The following RABEP1 variants were observed in gnomAD, a reference collection of about 807,000 sequenced individuals.
RABEP1 encodes rab GTPase-binding effector protein 1.
In RABEP1, 51 loss-of-function variants were observed where a neutral mutation model predicts 123.4. The ratio of observed to expected loss-of-function variants is 0.41; its 90% CI spans 0.33 to 0.52. The LOEUF (loss-of-function observed/expected upper bound fraction) is 0.52. Ranked by LOEUF, RABEP1 falls within the 20% of genes least tolerant of loss-of-function variation. The pLI is 0.16. For missense variants in RABEP1, 888 were observed against 996.3 expected (o/e 0.89, Z 1.46); for synonymous variants, 347 against 355.2 (o/e 0.98, Z 0.26).
At chr17:5,311,661 A>G (rs761296929) in intron 2 of RABEP1, among the ~76,000 whole-genome samples, 1 of 134,880 alleles carries the variant, frequency 7.4e-6, no homozygotes, top group Non-Finnish European at 1.5e-5. Context: ...GTGCCACTGC[A>G]CTCCATCCAG....
chr17:5,355,586 G>A (rs926340494), intron 8 of RABEP1, among the ~76,000 whole-genome samples: 4 of 152,028 alleles, frequency 2.6e-5, no homozygotes, highest in Non-Finnish European at 5.9e-5. Context: ...ACTTCCCTGC[G>A]GCACCTCCTT....
intron 2 of RABEP1, among the ~76,000 whole-genome samples, chr17:5,322,894 G>A (rs1398465801): frequency 3.9e-5 from 6 of 152,284 alleles, no homozygotes; most frequent in Admixed American, 3.9e-4. Flanking sequence ...GGCCAACATG[G>A]TGAAACTCCG....
At chr17:5,311,720 A>AC (rs1491146141) in intron 2 of RABEP1, among the ~76,000 whole-genome samples, 8 of 139,212 alleles carry the variant, frequency 5.7e-5, no homozygotes, top group Middle Eastern at 3.5e-3. Context: ...AAAAAAAAAA[A>AC]CAGACTAAAA....
chr17:5,355,446 G>A (rs971931202), intron 8 of RABEP1, among the ~76,000 whole-genome samples: 1 of 152,150 alleles, frequency 6.6e-6, no homozygotes, highest in African/African-American at 2.4e-5. Flanking sequence ...CCCTAGCATG[G>A]CATACAAGGG....
At chr17:5,285,672 A>G (rs1340297821) in intron 1 of RABEP1, among the ~76,000 whole-genome samples, 1 of 152,242 alleles carries the variant, frequency 6.6e-6, no homozygotes, top group African/African-American at 2.4e-5. Context: ...TAGCAATGGT[A>G]CTATTGAATA....
rs1255173881 is a variant in RABEP1 at position 5,323,841 on chromosome 17, TATATATATATATCTAGGA to T, written c.164-8095_164-8078del. Among the ~76,000 whole-genome samples, 62 of 135,900 alleles carry T rather than the reference TATATATATATATCTAGGA, an allele frequency of 4.6e-4. 1 individual carries two copies. Among genetic ancestry groups the T allele is most frequent in the African/African-American group, 1.5e-3 (56 of 36,534 alleles). The allele number at this position is 135,900 out of a possible 152,430, so 89.2% of individuals were successfully genotyped here. A position where few individuals can be genotyped will look rare whatever the true frequency, so the allele number is the denominator to read the frequency against. ...AGGAATATATATATATATCTAGGAA[TATATATATATATCTAGGA>T]ATATATATATATATCTAGGAATCAA... On this transcript the variant is annotated intron_variant, in intron 2 of 17. Transcript: ENST00000537505.
chr17:5,342,437 AGACCAGCCT>A (rs971686190), intron 5 of RABEP1, among the ~76,000 whole-genome samples: 3 of 151,986 alleles, frequency 2.0e-5, no homozygotes, highest in African/African-American at 4.8e-5. Context: ...TAGGAGTTTG[AGACCAGCCT>A]GGCCAGCATG....
chr17:5,370,007 G>C (rs1278022446), intron 12 of RABEP1, among the ~76,000 whole-genome samples: 2 of 152,122 alleles, frequency 1.3e-5, no homozygotes, highest in Non-Finnish European at 2.9e-5. Flanking sequence ...CCTCCTTCTT[G>C]TCTCTTAAAA....
In RABEP1 at chr17:5,282,316, G is replaced by T. The variant is rs1036997570; in HGVS notation, c.-171G>T. 1.3e-5 allele frequency: 6 copies of T among 447,458 alleles called. No individual in the cohort carries two copies. Among genetic ancestry groups the T allele is most frequent in the African/African-American group, 2.0e-5 (1 of 49,200 alleles). 27.7% of individuals were successfully genotyped at this position (447,458 alleles called of 1,614,324 possible). Reference sequence around the variant, plus strand: ...TGAGGAGGCGGAGGTCGGCGGTCGGGTCCGTCTCTGCCCGCGGCTGTGGCG... The same window carrying T: ...TGAGGAGGCGGAGGTCGGCGGTCGGTTCCGTCTCTGCCCGCGGCTGTGGCG... On this transcript the variant is annotated 5_prime_UTR_variant, in exon 1 of 18. Transcript: ENST00000537505.
chr17:5,303,540 C>A (rs1042795017), intron 1 of RABEP1, among the ~76,000 whole-genome samples: 1 of 152,100 alleles, frequency 6.6e-6, no homozygotes, highest in Non-Finnish European at 1.5e-5. Flanking sequence ...CTGTGCCTGT[C>A]CAATAGTTTT....
At chr17:5,358,837 T>C (rs911108187) in intron 8 of RABEP1, among the ~76,000 whole-genome samples, 2 of 152,116 alleles carry the variant, frequency 1.3e-5, no homozygotes, top group Non-Finnish European at 2.9e-5. Context: ...CACAGCTCAC[T>C]ACAGCCCCGA....
At chr17:5,304,964 A>G (rs1459214343) in intron 1 of RABEP1, among the ~76,000 whole-genome samples, 2 of 152,180 alleles carry the variant, frequency 1.3e-5, no homozygotes, top group Non-Finnish European at 2.9e-5. Context: ...GACAGCTAAC[A>G]CTTATCAAGT....
chr17:5,375,445 A>C (rs963970687), intron 13 of RABEP1, among the ~76,000 whole-genome samples: 6 of 152,088 alleles, frequency 3.9e-5, no homozygotes, highest in Non-Finnish European at 8.8e-5. Flanking sequence ...CAATCCTAGC[A>C]CTTTGGGAGG....
At chr17:5,321,534 T>C (rs74784782) in intron 2 of RABEP1, among the ~76,000 whole-genome samples, 2,295 of 151,498 alleles carry the variant, frequency 0.015, 30 homozygotes, top group Non-Finnish European at 0.024. Context: ...TGTTTGAGCC[T>C]GAGAGGTTGA....
chr17:5,378,981 T>G (rs1911225447), intron 15 of RABEP1, among the ~76,000 whole-genome samples: 1 of 152,186 alleles, frequency 6.6e-6, no homozygotes, highest in Admixed American at 6.5e-5. Flanking sequence ...CTGCCCAACC[T>G]TGGACTAGTC....
chr17:5,297,801 C>G (rs1440644448), intron 1 of RABEP1, among the ~76,000 whole-genome samples: 1 of 152,164 alleles, frequency 6.6e-6, no homozygotes, highest in Non-Finnish European at 1.5e-5. Flanking sequence ...GATTCAAACC[C>G]TAGTTTAATT....
At chr17:5,290,086 G>GTA (rs2075018342) in intron 1 of RABEP1, among the ~76,000 whole-genome samples, 1 of 152,030 alleles carries the variant, frequency 6.6e-6, no homozygotes, top group Non-Finnish European at 1.5e-5. Context: ...TGTCTTTATA[G>GTA]AAGTATTTAT....
At chr17:5,342,610 A>G (rs983814141) in intron 5 of RABEP1, among the ~76,000 whole-genome samples, 1 of 152,238 alleles carries the variant, frequency 6.6e-6, no homozygotes, top group Non-Finnish European at 1.5e-5. Context: ...TGTCTCACAC[A>G]CACACAGCAT....
rs1911805965 is a variant in RABEP1 at position 5,384,769 on chromosome 17, TAA to T, written c.*1547_*1548del. The T allele has an allele frequency of 4.8e-6, 1 of 207,814 alleles. No homozygotes were observed. Among genetic ancestry groups the T allele is most frequent in the Non-Finnish European group, 9.6e-6 (1 of 103,782 alleles). The allele number at this position is 207,814 out of a possible 1,614,324, so 12.9% of individuals were successfully genotyped here. Reference sequence around the variant, plus strand: ...GCTTGCCGCACATGAAACATTATTTTAATTGGTTTAAAGTCCCTTTATAAAGA... The same window carrying T: ...GCTTGCCGCACATGAAACATTATTTTTTGGTTTAAAGTCCCTTTATAAAGA... On this transcript the variant is annotated 3_prime_UTR_variant, in exon 18 of 18. Coordinates refer to ENST00000537505, the MANE Select transcript of RABEP1 (RefSeq NM_004703.6).
Sources: gnomAD v4.1 joint callset for allele counts (sites outside exome capture counted in the v4.1 genomes callset) on GRCh38, gnomAD v4.1.1 for gene constraint, MANE v1.5 for transcripts, NCBI Gene and HGNC (gene_info 2026-07-23, HGNC 2026-07-21) for gene names.